The following IGSF11 variants were observed in gnomAD, a reference collection of about 807,000 sequenced individuals.
IGSF11 encodes CXADR like 1.
Under a neutral mutation model 41.0 loss-of-function variants are expected in IGSF11, and 22 were observed. That is an observed-to-expected ratio of 0.54 (90% CI 0.38 to 0.77). The LOEUF (loss-of-function observed/expected upper bound fraction) is 0.77. IGSF11 is among the 30% of genes least tolerant of loss of function. The pLI is 0.00. For missense variants in IGSF11, 444 were observed against 530.8 expected, an observed-to-expected ratio of 0.84 and a Z score of 1.61; for synonymous variants, 219 against 201.3, an observed-to-expected ratio of 1.09 and a Z score of -0.74.
At chr3:118,947,279 C>A (rs1944227439) in intron 1 of IGSF11, 1 of 152,130 alleles carries the variant, frequency 6.6e-6, no homozygotes, top group African/African-American at 2.4e-5. Flanking sequence ...AACTAATTAA[C>A]AAACATAGAA....
chr3:119,006,030 G>A (rs1222106729), intron 1 of IGSF11, among the ~76,000 whole-genome samples: 8 of 114,068 alleles, frequency 7.0e-5, no homozygotes, highest in East Asian at 2.5e-4. Flanking sequence ...GATTGGGGAA[G>A]TTCTCCTGGA....
intron 2 of IGSF11, among the ~76,000 whole-genome samples, chr3:118,929,094 T>C (rs1178260848): frequency 1.3e-5 from 2 of 152,184 alleles, no homozygotes; most frequent in Admixed American, 6.5e-5. Flanking sequence ...TGATAGATCA[T>C]AGGTACAGAC....
At chr3:118,952,667 G>A (rs1355127764) in intron 1 of IGSF11, among the ~76,000 whole-genome samples, 1 of 151,948 alleles carries the variant, frequency 6.6e-6, no homozygotes, top group Non-Finnish European at 1.5e-5. Context: ...TGTCAAACTA[G>A]GGTATAAATA....
Position 118,925,907 on chromosome 3 carries a change from T to C in IGSF11, c.580+194A>G, listed in dbSNP as rs558926867. The C allele has an allele frequency of 1.2e-4, 42 of 354,514 alleles. No homozygotes were observed. The East Asian group carries it at 1.5e-3, about 13-fold the overall frequency. The allele number at this position is 354,514 out of a possible 1,614,324, so 22.0% of individuals were successfully genotyped here. On this transcript the variant is annotated intron_variant, in intron 4 of 6. Coordinates refer to ENST00000393775, the MANE Select transcript of IGSF11 (RefSeq NM_001015887.3). ...TATAGTTACCACTGGATGAAATACA[T>C]TTCATAAAGGCAATATAGAGAAGAG... is the stretch of plus-strand genomic sequence containing the variant.
intron 1 of IGSF11, among the ~76,000 whole-genome samples, chr3:119,081,386 G>C (rs1055534355): frequency 3.3e-5 from 5 of 151,438 alleles, no homozygotes; most frequent in Admixed American, 3.3e-4. Context: ...TGCTCTACTC[G>C]ATCATTGTCA....
intron 4 of IGSF11, among the ~76,000 whole-genome samples, chr3:118,910,222 C>T (rs956438281): frequency 6.6e-6 from 1 of 152,158 alleles, no homozygotes; most frequent in African/African-American, 2.4e-5. Context: ...TTACCATTAT[C>T]ATTATTTCAA....
rs1455547937 is a variant in IGSF11, at chr3:118,926,199, A to G, written c.482T>C (p.Val161Ala). Residue 161 changes from valine (V) to alanine (A), a missense_variant, in exon 4 of 7, where the codon GTC becomes GCC. Transcript: ENST00000393775. ...TTCCTCTGAGCTACAGAGCAGGATG[A>G]CATCGCTGCCAATATCCTGGGATCC... Reference protein sequence around the residue: ...IQGSQDIGSDVILLCSSEEGI... With the variant: ...IQGSQDIGSDAILLCSSEEGI... The G allele has an allele frequency of 3.1e-6, 5 of 1,611,576 alleles. No individual in the cohort carries two copies. Among genetic ancestry groups the G allele is most frequent in the Non-Finnish European group, 3.4e-6 (4 of 1,178,228 alleles).
chr3:119,011,229 C>T (rs1477859143), intron 1 of IGSF11, among the ~76,000 whole-genome samples: 1 of 152,082 alleles, frequency 6.6e-6, no homozygotes, highest in South Asian at 2.1e-4. Context: ...CCATGGTGAT[C>T]GTGGTGCTGG....
intron 1 of IGSF11, among the ~76,000 whole-genome samples, chr3:119,073,457 T>C (rs2076436406): frequency 6.6e-6 from 1 of 152,008 alleles, no homozygotes. Context: ...ATGGAGCAGG[T>C]GGTGGCGCCC....
chr3:119,004,079 AATCC>A (rs1937205831), intron 1 of IGSF11, among the ~76,000 whole-genome samples: 1 of 151,300 alleles, frequency 6.6e-6, no homozygotes, highest in Non-Finnish European at 1.5e-5. Context: ...TTCGGCTGTG[AATCC>A]ATCTGGTCCT....
At chr3:118,954,692 T>C (rs1474157719) in intron 1 of IGSF11, among the ~76,000 whole-genome samples, 3 of 152,152 alleles carry the variant, frequency 2.0e-5, no homozygotes, top group African/African-American at 7.2e-5. Context: ...AAAGGATAAG[T>C]TGTGTGTTCA....
chr3:119,056,642 T>C (rs545709686), intron 1 of IGSF11, among the ~76,000 whole-genome samples: 1 of 152,308 alleles, frequency 6.6e-6, no homozygotes, highest in South Asian at 2.1e-4. Flanking sequence ...ACCATCCTGA[T>C]ACCAAAGCCT....
chr3:119,145,480 T>A (rs1367244256), intron 1 of IGSF11, among the ~76,000 whole-genome samples: 2 of 152,164 alleles, frequency 1.3e-5, no homozygotes, highest in Non-Finnish European at 1.5e-5. Flanking sequence ...GGTATCTTTC[T>A]CCCACTTTCC....
chr3:119,098,709 T>C (rs1292368368), intron 1 of IGSF11, among the ~76,000 whole-genome samples: 1 of 152,246 alleles, frequency 6.6e-6, no homozygotes, highest in Non-Finnish European at 1.5e-5. Flanking sequence ...TTTAAATTAA[T>C]GGAAAAGGCA....
rs375462370 is a variant in IGSF11 at position 119,087,248 on chromosome 3, G to T, written c.49+17896C>A. On this transcript the variant is annotated intron_variant, in intron 1 of 6. Transcript: ENST00000354673. ...TAGTAGGTATCTACCCAGAGGAAAA[G>T]AAGTCATTATATGAAAAAGATACTT... 1.2e-4 allele frequency among the ~76,000 whole-genome samples: 19 copies of T among 152,246 alleles called. No individual in the cohort carries two copies. In the East Asian group the frequency reaches 3.7e-3, roughly 29 times the overall value.
chr3:119,118,623 G>A (rs2077291859), intron 1 of IGSF11, among the ~76,000 whole-genome samples: 1 of 152,156 alleles, frequency 6.6e-6, no homozygotes, highest in Admixed American at 6.5e-5. Context: ...TTAACATTCA[G>A]CTCCTCATTA....
At chr3:119,042,363 T>G (rs911007713) in intron 1 of IGSF11, among the ~76,000 whole-genome samples, 6 of 152,196 alleles carry the variant, frequency 3.9e-5, no homozygotes, top group African/African-American at 1.2e-4. Flanking sequence ...CAGGGAGGGT[T>G]GTAGCCTTGG....
In IGSF11 at chr3:118,902,461, T is replaced by TC; in HGVS notation, c.*58dup. ...TTTCCCAGCACTCCCCACCCCACCCTCCCCCTTGTATGAGGGCATTCCATT... is the reference window on the plus strand; with the variant it reads ...TTTCCCAGCACTCCCCACCCCACCCTCCCCCCTTGTATGAGGGCATTCCATT... On this transcript the variant is annotated 3_prime_UTR_variant, in exon 7 of 7. Coordinates refer to ENST00000393775, the MANE Select transcript of IGSF11 (RefSeq NM_001015887.3). The TC allele has an allele frequency of 1.5e-5, 5 of 337,864 alleles. No individual in the cohort carries two copies. Among genetic ancestry groups the TC allele is most frequent in the South Asian group, 4.8e-5 (2 of 41,520 alleles). 20.9% of individuals were successfully genotyped at this position (337,864 alleles called of 1,614,324 possible). A position where few individuals can be genotyped will look rare whatever the true frequency, so the allele number is the denominator to read the frequency against.
intron 1 of IGSF11, among the ~76,000 whole-genome samples, chr3:119,143,359 A>G (rs2077674921): frequency 6.6e-6 from 1 of 152,192 alleles, no homozygotes; most frequent in Admixed American, 6.5e-5. Context: ...ATATAACAGC[A>G]GGGTTTTGTA....
Sources: allele counts gnomAD v4.1 joint callset (sites outside exome capture counted in the v4.1 genomes callset), GRCh38; gene constraint gnomAD v4.1.1; transcripts MANE v1.5; gene names NCBI Gene and HGNC (gene_info 2026-07-23, HGNC 2026-07-21).